The following TNRC6A variants were observed in gnomAD, a reference collection of about 807,000 sequenced individuals.
TNRC6A encodes trinucleotide repeat-containing gene 6A protein.
TNRC6A carries 44 observed loss-of-function variants against 221.2 expected under a neutral mutation model. The ratio of observed to expected loss-of-function variants is 0.20; its 90% CI spans 0.16 to 0.26. TNRC6A has a LOEUF of 0.26. Ranked by LOEUF, TNRC6A falls within the 10% of genes least tolerant of loss-of-function variation. The probability of loss-of-function intolerance (pLI) is 1.00; values close to 1 mark genes in which losing one functional copy is unlikely to be tolerated. For synonymous variants in TNRC6A, 847 were observed against 838.5 expected, an observed-to-expected ratio of 1.01 and a Z score of -0.18; for missense variants, 2,199 against 2,404.4, an observed-to-expected ratio of 0.91 and a Z score of 1.79.
chr16:24,648,461 G>A (rs150663012), intron 2 of TNRC6A, among the ~76,000 whole-genome samples: 4,154 of 151,678 alleles, frequency 0.027, 179 homozygotes, highest in African/African-American at 0.093. Context: ...TAGTAGAGAC[G>A]GGGTTTCACC....
chr16:24,729,668 T>TGCGGCGGCGGCGGCGGCGGCG lies in TNRC6A; in HGVS notation c.-161_-160insCGGCGGCGGCGGCGGCGGCGG, dbSNP rs1196544740. 3.1e-6 allele frequency: 2 copies of TGCGGCGGCGGCGGCGGCGGCG among 646,010 alleles called. No individual in the cohort carries two copies. The highest frequency in any genetic ancestry group is 4.1e-5 in the African/African-American group (2 of 49,146). The allele number at this position is 646,010 out of a possible 1,614,324, so 40.0% of individuals were successfully genotyped here. A position where few individuals can be genotyped will look rare whatever the true frequency, so the allele number is the denominator to read the frequency against. On this transcript the variant is annotated 5_prime_UTR_variant, in exon 1 of 25. Transcript: ENST00000395799. ...GGGCATTCACTTCCGGTCTGGGGCC[T>TGCGGCGGCGGCGGCGGCGGCG]GCGGCGGCGGCGGTGTCGGCGGCGG...
At chr16:24,807,964 A>G (rs1163940821) in intron 17 of TNRC6A, among the ~76,000 whole-genome samples, 1 of 152,206 alleles carries the variant, frequency 6.6e-6, no homozygotes, top group Non-Finnish European at 1.5e-5. Flanking sequence ...GGTTTGGCTC[A>G]GCCTGGTATT....
upstream of TNRC6A, among the ~76,000 whole-genome samples, chr16:24,725,157 C>A (rs994469162): frequency 7.2e-5 from 11 of 152,184 alleles, no homozygotes; most frequent in African/African-American, 2.6e-4. Flanking sequence ...ATGAAAATGA[C>A]AACACTAGCA....
At position 24,825,614 on chromosome 16, in the gene TNRC6A, AAAT is replaced by A. The variant is rs1250045572; in HGVS notation, c.*1811_*1813del. On this transcript the variant is annotated 3_prime_UTR_variant, in exon 25 of 25. Transcript: ENST00000395799. ...CTGAACTCATCACAATTTCACCCTG[AAAT>A]AATGTGAGAACAATGGGAAACTGTA... is the stretch of plus-strand genomic sequence containing the variant. 1 of 152,654 alleles carries A rather than the reference AAAT, an allele frequency of 6.6e-6. No homozygotes were observed. Among genetic ancestry groups the A allele is most frequent in the African/African-American group, 2.4e-5 (1 of 41,448 alleles). The allele number at this position is 152,654 out of a possible 1,614,324, so 9.5% of individuals were successfully genotyped here.
intron 2 of TNRC6A, among the ~76,000 whole-genome samples, chr16:24,682,066 A>G (rs2055542618): frequency 6.6e-6 from 1 of 152,142 alleles, no homozygotes; most frequent in Admixed American, 6.6e-5. Context: ...CTGTCTGTAA[A>G]TGTTGTACGG....
At chr16:24,818,991 G>A (rs1426696560) in intron 21 of TNRC6A, among the ~76,000 whole-genome samples, 2 of 148,346 alleles carry the variant, frequency 1.3e-5, no homozygotes, top group African/African-American at 2.6e-5. Flanking sequence ...CTGCAGCGGA[G>A]GATCTTTAAA....
At position 24,707,350 on chromosome 16, in the gene TNRC6A, G is replaced by GCACACA. The variant is rs34395729; in HGVS notation, n.403-43351_403-43346dup. Among the ~76,000 whole-genome samples, 1,306 of 149,610 alleles carry GCACACA rather than the reference G, an allele frequency of 8.7e-3. 8 individuals carry two copies. Among genetic ancestry groups the GCACACA allele is most frequent in the Non-Finnish European group, 0.015 (995 of 67,168 alleles). On this transcript the variant is annotated intron_variant and non_coding_transcript_variant, in intron 2 of 2. Transcript: ENST00000566108. ...AACAGGATGAAAGGGGAACATGGGC[G>GCACACA]CACACACACACACACACACACACAC...
intron 5 of TNRC6A, among the ~76,000 whole-genome samples, chr16:24,786,225 A>G (rs1172673933): frequency 1.3e-5 from 2 of 152,236 alleles, no homozygotes; most frequent in African/African-American, 2.4e-5. Flanking sequence ...TGCATTTATC[A>G]ATGATAATAA....
intron 11 of TNRC6A, chr16:24,803,539 C>T (rs551317991): frequency 6.6e-6 from 1 of 152,278 alleles, no homozygotes; most frequent in South Asian, 2.1e-4. Context: ...TGGAAACTTA[C>T]CTGTATTATA....
At chr16:24,733,423 C>A (rs1018120727) in intron 2 of TNRC6A, among the ~76,000 whole-genome samples, 6 of 152,166 alleles carry the variant, frequency 3.9e-5, no homozygotes, top group African/African-American at 1.4e-4. Context: ...CATAGGTAAA[C>A]TGTCTTTTAA....
At position 24,825,255 on chromosome 16, in the gene TNRC6A, AAAC is replaced by A. The variant is rs1432423160; in HGVS notation, c.*1451_*1453del. On this transcript the variant is annotated 3_prime_UTR_variant, in exon 25 of 25. Coordinates refer to ENST00000395799, the MANE Select transcript of TNRC6A (RefSeq NM_014494.4). ...CTTGCTTAGTCAAAGAAGAGAGACT[AAAC>A]AAGGGTAAAAATTTTAACAGTACAG... is the stretch of plus-strand genomic sequence containing the variant. 6.6e-6 allele frequency: 1 copy of A among 152,666 alleles called. No individual in the cohort carries two copies. The highest frequency in any genetic ancestry group is 2.4e-5 in the African/African-American group (1 of 41,460). 9.5% of individuals were successfully genotyped at this position (152,666 alleles called of 1,614,324 possible).
At chr16:24,669,990 C>A (rs1469089036) in intron 2 of TNRC6A, among the ~76,000 whole-genome samples, 1 of 98,702 alleles carries the variant, frequency 1.0e-5, no homozygotes, top group East Asian at 3.0e-4. Context: ...CACTCTGTCA[C>A]CCAGGCTGGA....
chr16:24,794,274 A>G (rs2058172913), intron 7 of TNRC6A, among the ~76,000 whole-genome samples: 1 of 152,220 alleles, frequency 6.6e-6, no homozygotes, highest in Non-Finnish European at 1.5e-5. Context: ...TACAAACAAG[A>G]GTGCTACCAT....
rs746457393 is a variant in TNRC6A, at chr16:24,789,894, G to C, written c.1252G>C (p.Gly418Arg). The part of the protein sequence containing the change: ...NSKVSGGSTH[G>R]TWGSLQETCE... ...TAAAGTGAGTGGTGGTTCTACCCATGGTACCTGGGGAAGCCTTCAGGAAAC... is the reference window on the plus strand; with the variant it reads ...TAAAGTGAGTGGTGGTTCTACCCATCGTACCTGGGGAAGCCTTCAGGAAAC... Residue 418 changes from glycine to arginine, a missense_variant, in exon 6 of 25, where the codon GGT (glycine) becomes CGT (arginine). By Grantham distance (125) the Gly-to-Arg change is moderately radical. Around this residue, in one of 8 missense-constraint regions of TNRC6A, gnomAD observed 1,405 missense variants for 1,400.2 expected, o/e 1.00. Coordinates refer to ENST00000395799, the MANE Select transcript of TNRC6A (RefSeq NM_014494.4). 22 of 1,613,988 alleles carry C rather than the reference G, an allele frequency of 1.4e-5. No individual in the cohort carries two copies. In the South Asian group the frequency reaches 2.2e-4, roughly 16 times the overall value.
intron 2 of TNRC6A, among the ~76,000 whole-genome samples, chr16:24,689,310 A>C (rs1437100140): frequency 6.6e-6 from 1 of 152,210 alleles, no homozygotes; most frequent in Non-Finnish European, 1.5e-5. Flanking sequence ...CGCTTTAGGA[A>C]GAGCCCTCTG....
chr16:24,818,760 T>A, intron 21 of TNRC6A, 60 bp downstream of exon 21: 1 of 1,251,338 alleles, frequency 8.0e-7, no homozygotes, highest in Non-Finnish European at 1.2e-6. Context: ...GCGGCTGTTG[T>A]TTTAATGCCC....
Position 24,729,834 on chromosome 16 carries a change from T to G in TNRC6A, c.-8T>G. 9 of 1,389,302 alleles carry G rather than the reference T, an allele frequency of 6.5e-6. No individual in the cohort carries two copies. The highest frequency in any genetic ancestry group is 8.5e-6 in the Non-Finnish European group (9 of 1,062,816). 86.1% of individuals were successfully genotyped at this position (1,389,302 alleles called of 1,614,324 possible). A position where few individuals can be genotyped will look rare whatever the true frequency, so the allele number is the denominator to read the frequency against. On this transcript the variant is annotated 5_prime_UTR_variant, in exon 1 of 25. Transcript: ENST00000395799. ...GCCGCGCCCCACTTGCTCGTGCACT[T>G]TACACACATGAGGTGAGCGGAACAA...
rs189668310 is a variant in TNRC6A, at chr16:24,797,427, G to T, written c.3562-63G>T. 7 of 1,239,484 alleles carry T rather than the reference G, an allele frequency of 5.6e-6. No homozygotes were observed. The African/African-American group carries it at 1.1e-4, about 19-fold the overall frequency. The allele number at this position is 1,239,484 out of a possible 1,614,324, so 76.8% of individuals were successfully genotyped here. A position where few individuals can be genotyped will look rare whatever the true frequency, so the allele number is the denominator to read the frequency against. On this transcript the variant is annotated intron_variant, in intron 9 of 24. Coordinates refer to ENST00000395799, the MANE Select transcript of TNRC6A (RefSeq NM_014494.4). Reference sequence around the variant, plus strand: ...GGATTGTCTTAAGTTTTATTAATCCGTCACTATACCCAGATAAACAGAGAT... The same window carrying T: ...GGATTGTCTTAAGTTTTATTAATCCTTCACTATACCCAGATAAACAGAGAT...
At chr16:24,822,846 C>A (rs1414466590) in intron 23 of TNRC6A, 28 bp from the exon 24 acceptor site, 2 of 1,612,340 alleles carry the variant, frequency 1.2e-6, no homozygotes, top group Admixed American at 3.3e-5. Flanking sequence ...TGACGCCTCT[C>A]ACTGGCAGTT....
Sources: allele counts gnomAD v4.1 joint callset (sites outside exome capture counted in the v4.1 genomes callset), GRCh38; gene constraint gnomAD v4.1.1; regional missense constraint gnomAD v4.1.1; transcripts MANE v1.5; gene names NCBI Gene and HGNC (gene_info 2026-07-23, HGNC 2026-07-21).